The following CALCRL variants were observed in gnomAD, a reference collection of about 807,000 sequenced individuals.
CALCRL encodes calcitonin receptor like receptor, also known as calcitonin gene-related peptide type 1 receptor.
A neutral mutation model predicts 60.4 loss-of-function variants in CALCRL; 27 were observed. The observed-to-expected ratio is 0.45, with a 90% CI of 0.33 to 0.62. The LOEUF is 0.62. CALCRL is among the 20% of genes least tolerant of loss of function. The probability of loss-of-function intolerance (pLI) is 0.03; values close to 1 mark genes in which losing one functional copy is unlikely to be tolerated. For synonymous variants in CALCRL, 190 were observed against 182.6 expected (o/e 1.04, Z -0.33); for missense variants, 424 against 540.7 (o/e 0.78, Z 2.14).
At position 187,344,773 on chromosome 2, in the gene CALCRL, C is replaced by G. The variant is rs1686211969; in HGVS notation, c.*1411G>C. 1 of 151,686 alleles carries G rather than the reference C, an allele frequency of 6.6e-6. No homozygotes were observed. The highest frequency in any genetic ancestry group is 1.5e-5 in the Non-Finnish European group (1 of 67,692). 9.4% of individuals were successfully genotyped at this position (151,686 alleles called of 1,614,324 possible). A position where few individuals can be genotyped will look rare whatever the true frequency, so the allele number is the denominator to read the frequency against. ...TTTATATTTCTTGAATAGCCTGGGA[C>G]ATTTCCAAAGCTATATATCTTCACA... On this transcript the variant is annotated 3_prime_UTR_variant, in exon 15 of 15. Coordinates refer to ENST00000392370, the MANE Select transcript of CALCRL (RefSeq NM_005795.6).
intron 7 of CALCRL, among the ~76,000 whole-genome samples, chr2:187,379,610 A>G (rs1160285055): frequency 6.6e-6 from 1 of 152,068 alleles, no homozygotes; most frequent in Admixed American, 6.5e-5. Flanking sequence ...TTTATTGTGT[A>G]TTTGTATAAT....
intron 1 of CALCRL, among the ~76,000 whole-genome samples, chr2:187,424,132 G>T (rs2105879013): frequency 6.6e-6 from 1 of 152,058 alleles, no homozygotes; most frequent in South Asian, 2.1e-4. Context: ...ATATAAAACA[G>T]CCTAAAAAAA....
At position 187,347,055 on chromosome 2, in the gene CALCRL, A is replaced by G. The variant is rs1237145681; in HGVS notation, c.1171-656T>C. ...GAATGTAACCACTCCATTTTTATAT[A>G]TTTGAATCCTCTTCTGCTGAATAAA... On this transcript the variant is annotated intron_variant, in intron 14 of 14. Coordinates refer to ENST00000392370, the MANE Select transcript of CALCRL (RefSeq NM_005795.6). Among the ~76,000 whole-genome samples the G allele has an allele frequency of 2.6e-5, 4 of 151,822 alleles. No homozygotes were observed. The Admixed American group carries it at 2.6e-4, about 10-fold the overall frequency.
chr2:187,435,865 C>CATGT (rs1553516607), intron 1 of CALCRL, among the ~76,000 whole-genome samples: 21 of 148,424 alleles, frequency 1.4e-4, no homozygotes, highest in Middle Eastern at 3.5e-3. Context: ...TGTGTTTGTG[C>CATGT]GTGCGTGTGT....
chr2:187,428,545 TAA>T (rs1466060827), intron 1 of CALCRL: 2 of 152,350 alleles, frequency 1.3e-5, no homozygotes, highest in East Asian at 1.9e-4. Context: ...TATAAAATTT[TAA>T]AGAGATGATA....
At chr2:187,363,267 G>C (rs1559043302) in intron 9 of CALCRL, 109 bp downstream of exon 9, 2 of 1,065,276 alleles carry the variant, frequency 1.9e-6, no homozygotes, top group Admixed American at 2.9e-5. Context: ...TGTCAGACTT[G>C]AAAATATACA....
intron 12 of CALCRL, 86 bp from the exon 13 acceptor site, chr2:187,352,418 C>A: frequency 2.7e-6 from 2 of 748,300 alleles, no homozygotes; most frequent in Non-Finnish European, 4.5e-6. Context: ...TTTTATAAAT[C>A]TTAAAATATT....
intron 1 of CALCRL, among the ~76,000 whole-genome samples, chr2:187,407,126 C>T (rs1689172768): frequency 6.6e-6 from 1 of 151,640 alleles, no homozygotes; most frequent in African/African-American, 2.4e-5. Context: ...TTTTATCTTC[C>T]CCACTAAAGG....
intron 1 of CALCRL, among the ~76,000 whole-genome samples, chr2:187,407,978 CAT>C (rs1359599327): frequency 1.3e-5 from 2 of 151,988 alleles, no homozygotes; most frequent in African/African-American, 4.8e-5. Context: ...GCAAACTCTA[CAT>C]AGTTTGAGCA....
At chr2:187,360,197 A>G (rs971274670) in intron 10 of CALCRL, among the ~76,000 whole-genome samples, 1 of 152,100 alleles carries the variant, frequency 6.6e-6, no homozygotes, top group Non-Finnish European at 1.5e-5. Flanking sequence ...TTTTAAACAA[A>G]TATTTTTAGA....
intron 1 of CALCRL, among the ~76,000 whole-genome samples, chr2:187,447,498 A>G (rs1237064342): frequency 6.6e-6 from 1 of 152,090 alleles, no homozygotes; most frequent in Non-Finnish European, 1.5e-5. Context: ...AGTTACAGAT[A>G]TATGTGTAAA....
chr2:187,385,991 G>T (rs57778036), intron 3 of CALCRL, among the ~76,000 whole-genome samples: 1 of 152,032 alleles, frequency 6.6e-6, no homozygotes, highest in African/African-American at 2.4e-5. Context: ...CTGCCCAGCA[G>T]ATTAAAATAT....
intron 1 of CALCRL, among the ~76,000 whole-genome samples, chr2:187,437,911 A>G (rs1398473154): frequency 6.6e-6 from 1 of 152,154 alleles, no homozygotes; most frequent in African/African-American, 2.4e-5. Context: ...ATATGTAGAA[A>G]AACAGTAAAA....
intron 1 of CALCRL, among the ~76,000 whole-genome samples, chr2:187,440,999 A>T (rs1367809047): frequency 1.3e-5 from 2 of 152,070 alleles, no homozygotes; most frequent in African/African-American, 4.8e-5. Flanking sequence ...TCCTATCCAA[A>T]TTAATGAAGA....
intron 7 of CALCRL, among the ~76,000 whole-genome samples, chr2:187,379,832 C>G (rs1271462895): frequency 6.6e-6 from 1 of 152,108 alleles, no homozygotes; most frequent in Non-Finnish European, 1.5e-5. Flanking sequence ...ATGGCTTTTT[C>G]AAGGTCAAAC....
At chr2:187,409,323 C>T (rs1296285716) in intron 1 of CALCRL, among the ~76,000 whole-genome samples, 1 of 152,188 alleles carries the variant, frequency 6.6e-6, no homozygotes, top group African/African-American at 2.4e-5. Flanking sequence ...ATCTAAACAT[C>T]TGTCAGAAGA....
At chr2:187,407,776 A>T (rs1208919854) in intron 1 of CALCRL, among the ~76,000 whole-genome samples, 2 of 152,120 alleles carry the variant, frequency 1.3e-5, no homozygotes, top group African/African-American at 4.8e-5. Context: ...GCATTTAAAA[A>T]ATTCAAATAG....
intron 4 of CALCRL, 53 bp downstream of exon 4, chr2:187,385,492 A>G: frequency 1.1e-6 from 1 of 877,522 alleles, no homozygotes; most frequent in East Asian, 2.5e-5. Flanking sequence ...TTTATCAATT[A>G]TAGGTATACT....
At chr2:187,431,820 T>A (rs1360227245) in intron 1 of CALCRL, among the ~76,000 whole-genome samples, 1 of 150,934 alleles carries the variant, frequency 6.6e-6, no homozygotes, top group Non-Finnish European at 1.5e-5. Context: ...GTATGAAGGA[T>A]AGTAAAGCAA....
Sources: gnomAD v4.1 joint callset for allele counts (sites outside exome capture counted in the v4.1 genomes callset) on GRCh38, gnomAD v4.1.1 for gene constraint, MANE v1.5 for transcripts, NCBI Gene and HGNC (gene_info 2026-07-23, HGNC 2026-07-21) for gene names.